The following MAGI1 variants were observed in gnomAD, a reference collection of about 807,000 sequenced individuals.
MAGI1 encodes membrane-associated guanylate kinase, WW and PDZ domain-containing protein 1.
In MAGI1, 58 loss-of-function variants were observed where a neutral mutation model predicts 139.9. The observed-to-expected ratio is 0.41, with a 90% CI of 0.34 to 0.52. The LOEUF (loss-of-function observed/expected upper bound fraction) is 0.52. Among genes scored for constraint, MAGI1 ranks in the 20% least tolerant of loss-of-function variants. The pLI is 0.12. For synonymous variants in MAGI1, 812 were observed against 737.9 expected (o/e 1.10, Z -1.63); for missense variants, 1,874 against 1,901.6 (o/e 0.99, Z 0.27).
At chr3:65,848,048 C>T (rs980515970) in intron 1 of MAGI1, among the ~76,000 whole-genome samples, 6 of 152,050 alleles carry the variant, frequency 3.9e-5, no homozygotes, top group African/African-American at 1.2e-4. Context: ...TACCCTTCCC[C>T]GATAGAAGAA....
chr3:65,739,507 T>A (rs2035077000), intron 1 of MAGI1, among the ~76,000 whole-genome samples: 2 of 152,238 alleles, frequency 1.3e-5, no homozygotes, highest in Admixed American at 1.3e-4. Flanking sequence ...CTTAGTTAAC[T>A]GTTTGGTTCA....
chr3:65,455,815 GC>G (rs1220873329), intron 5 of MAGI1, among the ~76,000 whole-genome samples: 3 of 152,102 alleles, frequency 2.0e-5, no homozygotes, highest in African/African-American at 7.2e-5. Context: ...TTTATGACTG[GC>G]TTTTCCCCTC....
chr3:65,614,286 C>T (rs2083265730), intron 2 of MAGI1, among the ~76,000 whole-genome samples: 1 of 152,160 alleles, frequency 6.6e-6, no homozygotes, highest in South Asian at 2.1e-4. Context: ...TTTTCCATTA[C>T]ATACGCCATT....
At chr3:65,777,184 T>C (rs1448014585) in intron 1 of MAGI1, among the ~76,000 whole-genome samples, 1 of 152,172 alleles carries the variant, frequency 6.6e-6, no homozygotes, top group Non-Finnish European at 1.5e-5. Context: ...TATTCGACTT[T>C]TGAGAAGCAA....
Position 65,910,179 on chromosome 3 carries a change from GATA to G in MAGI1, c.313+127814_313+127816del, listed in dbSNP as rs923168313. ...GCTCATAACCTTCTGTCTATGTTTGGATAATATTACCTTAAATAACTGAATATA... is the reference window on the plus strand; with the variant it reads ...GCTCATAACCTTCTGTCTATGTTTGGATATTACCTTAAATAACTGAATATA... On this transcript the variant is annotated intron_variant, in intron 1 of 22. Coordinates refer to ENST00000402939, the MANE Select transcript of MAGI1 (RefSeq NM_001033057.2). Among the ~76,000 whole-genome samples, 4 of 152,174 alleles carry G rather than the reference GATA, an allele frequency of 2.6e-5. No individual in the cohort carries two copies. The East Asian group carries it at 7.7e-4, about 29-fold the overall frequency.
chr3:65,721,718 C>T (rs1183854982), intron 1 of MAGI1, among the ~76,000 whole-genome samples: 1 of 152,128 alleles, frequency 6.6e-6, no homozygotes, highest in Non-Finnish European at 1.5e-5. Flanking sequence ...TACTACTCCT[C>T]TTATTTATGC....
At chr3:65,890,304 G>A (rs2060695923) in intron 1 of MAGI1, among the ~76,000 whole-genome samples, 1 of 152,210 alleles carries the variant, frequency 6.6e-6, no homozygotes, top group Non-Finnish European at 1.5e-5. Context: ...GGCGGAGCTT[G>A]CAGTGAGCAG....
intron 1 of MAGI1, among the ~76,000 whole-genome samples, chr3:65,694,924 T>G (rs545994187): frequency 5.9e-5 from 9 of 152,348 alleles, no homozygotes; most frequent in African/African-American, 1.9e-4. Flanking sequence ...ATTACTTTTT[T>G]TGTGTGTATG....
chr3:66,018,456 C>T (rs1003374821), intron 1 of MAGI1, among the ~76,000 whole-genome samples: 1 of 152,082 alleles, frequency 6.6e-6, no homozygotes, highest in African/African-American at 2.4e-5. Flanking sequence ...GCACAAAGAG[C>T]CAGGCATTTT....
intron 1 of MAGI1, among the ~76,000 whole-genome samples, chr3:65,952,301 T>C (rs10866075): frequency 0.47 from 71,183 of 151,996 alleles, 17,259 homozygotes; most frequent in East Asian, 0.77. Flanking sequence ...GTCAATTTGG[T>C]GTTCATGACT....
intron 1 of MAGI1, among the ~76,000 whole-genome samples, chr3:65,966,625 T>TG (rs2064757103): frequency 6.8e-6 from 1 of 147,864 alleles, no homozygotes; most frequent in African/African-American, 2.5e-5. Flanking sequence ...GCGGGGAGAG[T>TG]GGGGGCGCGG....
chr3:65,494,612 T>C (rs538774916), intron 2 of MAGI1, among the ~76,000 whole-genome samples: 11 of 152,348 alleles, frequency 7.2e-5, no homozygotes, highest in Middle Eastern at 3.4e-3. Context: ...CATTATTACC[T>C]GCGGTGGTGA....
chr3:65,989,347 C>A (rs2107343933), intron 1 of MAGI1, among the ~76,000 whole-genome samples: 1 of 152,270 alleles, frequency 6.6e-6, no homozygotes, highest in Non-Finnish European at 1.5e-5. Context: ...AAGTTCTGTA[C>A]TCCATTCCCA....
intron 1 of MAGI1, among the ~76,000 whole-genome samples, chr3:65,707,405 A>C (rs1372741313): frequency 6.6e-6 from 1 of 152,152 alleles, no homozygotes; most frequent in Non-Finnish European, 1.5e-5. Flanking sequence ...TGCCAGGGCA[A>C]CCGGCCTGAG....
intron 1 of MAGI1, among the ~76,000 whole-genome samples, chr3:65,741,337 G>C (rs1334559986): frequency 1.3e-5 from 2 of 152,024 alleles, no homozygotes; most frequent in Admixed American, 1.3e-4. Flanking sequence ...ACCACGCTTG[G>C]CTAATTTTTT....
chr3:65,472,237 C>T (rs547963204), intron 4 of MAGI1, among the ~76,000 whole-genome samples: 2 of 152,200 alleles, frequency 1.3e-5, no homozygotes, highest in Admixed American at 6.5e-5. Context: ...AAAGGAGTCA[C>T]CTTTAATTCT....
chr3:65,375,731 TA>T lies in MAGI1; in HGVS notation c.3196+13del. 2.6e-6 allele frequency: 4 copies of T among 1,561,762 alleles called. No individual in the cohort carries two copies. Among genetic ancestry groups the T allele is most frequent in the Non-Finnish European group, 3.5e-6 (4 of 1,135,116 alleles). On this transcript the variant is annotated intron_variant, in intron 18 of 22. Coordinates refer to ENST00000402939, the MANE Select transcript of MAGI1 (RefSeq NM_001033057.2). ...AAAAGAGAGAGAGAGAGAGAGATAATAGGTATACTTTACCATCCCCAGGAAT... is the reference window on the plus strand; with the variant it reads ...AAAAGAGAGAGAGAGAGAGAGATAATGGTATACTTTACCATCCCCAGGAAT...
chr3:65,400,466 C>T (rs576841679), intron 13 of MAGI1, among the ~76,000 whole-genome samples: 7 of 152,206 alleles, frequency 4.6e-5, no homozygotes, highest in East Asian at 1.9e-4. Flanking sequence ...CTGGATGGCA[C>T]GAGGCTGTAC....
intron 1 of MAGI1, among the ~76,000 whole-genome samples, chr3:65,811,113 A>C (rs1347171216): frequency 1.3e-5 from 2 of 152,226 alleles, no homozygotes; most frequent in Non-Finnish European, 2.9e-5. Context: ...ACAGTATCAA[A>C]GTATGTATAC....
Sources: allele counts gnomAD v4.1 joint callset (sites outside exome capture counted in the v4.1 genomes callset), GRCh38; gene constraint gnomAD v4.1.1; transcripts MANE v1.5; gene names NCBI Gene and HGNC (gene_info 2026-07-23, HGNC 2026-07-21).